Variants in DIPK1A observed in about 807,000 individuals in gnomAD.
The protein encoded by DIPK1A is family with sequence similarity 69 member A.
DIPK1A carries 27 observed loss-of-function variants against 40.8 expected under a neutral mutation model. The ratio of observed to expected loss-of-function variants is 0.66; its 90% CI spans 0.49 to 0.91. DIPK1A has a LOEUF of 0.91. Among genes scored for constraint, DIPK1A ranks in the 40% least tolerant of loss-of-function variants. DIPK1A has a pLI of 0.00. For synonymous variants in DIPK1A, 166 were observed against 171.3 expected (o/e 0.97, Z 0.24); for missense variants, 412 against 505.7 (o/e 0.81, Z 1.78).
chr1:92,937,620 G>C (rs1461314027), intron 1 of DIPK1A, among the ~76,000 whole-genome samples: 1 of 152,000 alleles, frequency 6.6e-6, no homozygotes, highest in South Asian at 2.1e-4. Context: ...GGACAATGCT[G>C]CTTTTTAAAA....
At chr1:92,877,593 A>T (rs1296755041) in intron 1 of DIPK1A, among the ~76,000 whole-genome samples, 1 of 152,226 alleles carries the variant, frequency 6.6e-6, no homozygotes, top group Non-Finnish European at 1.5e-5. Context: ...TGAGGTTAAC[A>T]GATGGTGAAT....
chr1:92,856,787 G>A (rs1181794402), intron 2 of DIPK1A, among the ~76,000 whole-genome samples: 1 of 152,156 alleles, frequency 6.6e-6, no homozygotes, highest in Non-Finnish European at 1.5e-5. Context: ...AAGACAAGAT[G>A]TGATGCAGGC....
chr1:92,945,182 G>A (rs955175587), intron 1 of DIPK1A, among the ~76,000 whole-genome samples: 1 of 151,524 alleles, frequency 6.6e-6, no homozygotes, highest in African/African-American at 2.4e-5. Flanking sequence ...AAAAAAAGAA[G>A]GATTTCACCA....
rs189486516 is a variant in DIPK1A at position 92,924,619 on chromosome 1, G to A, written c.54+36757C>T. Among the ~76,000 whole-genome samples, 156 of 152,320 alleles carry A rather than the reference G, an allele frequency of 1.0e-3. 2 individuals are homozygous for A. Among genetic ancestry groups the A allele is most frequent in the African/African-American group, 3.7e-3 (152 of 41,578 alleles). ...TAGGCAAAAGAGATAGTGAGAAGGT[G>A]GGTGGAAGAAGGGGTCAGCTGCTCG... is the stretch of plus-strand genomic sequence containing the variant. On this transcript the variant is annotated intron_variant, in intron 1 of 4. Transcript: ENST00000370310.
At chr1:92,930,849 T>G (rs1557489890) in intron 1 of DIPK1A, 1 of 152,202 alleles carries the variant, frequency 6.6e-6, no homozygotes, top group Non-Finnish European at 1.5e-5. Context: ...GCCTTTTCTG[T>G]CTCTCCCTCC....
Position 92,843,867 on chromosome 1 carries a change from T to C in DIPK1A, c.803A>G (p.Lys268Arg), listed in dbSNP as rs780489771. The C allele has an allele frequency of 1.7e-4, 271 of 1,551,674 alleles. No homozygotes were observed. The highest frequency in any genetic ancestry group is 2.3e-4 in the Non-Finnish European group (264 of 1,147,008). ...TAGAAGTCCTATGGCTATTTTGGCC[T>C]TTCTTGGCCATGATGGTGTGAACAG... is the stretch of plus-strand genomic sequence containing the variant. Reference protein sequence around the residue: ...DQLFTPSWPRKAKIAIGLLEF... With the variant: ...DQLFTPSWPRRAKIAIGLLEF... The change falls in exon 5 of 5, where the codon AAG becomes AGG. Residue 268 changes from lysine to arginine, a missense_variant. Physicochemically the swap from Lys to Arg is conservative, Grantham distance 26. Transcript: ENST00000370310.
chr1:92,885,646 G>C (rs1021415849), intron 1 of DIPK1A, among the ~76,000 whole-genome samples: 3 of 152,146 alleles, frequency 2.0e-5, no homozygotes, highest in Admixed American at 2.0e-4. Context: ...ATGAGCTACC[G>C]TGCCCAGTCC....
At chr1:92,871,591 G>A (rs1244726385) in intron 2 of DIPK1A, among the ~76,000 whole-genome samples, 1 of 152,126 alleles carries the variant, frequency 6.6e-6, no homozygotes, top group Non-Finnish European at 1.5e-5. Flanking sequence ...AAGTTAACTG[G>A]TTGATTCTTT....
intron 1 of DIPK1A, among the ~76,000 whole-genome samples, chr1:92,882,640 A>T (rs1648430611): frequency 2.0e-5 from 3 of 152,220 alleles, no homozygotes; most frequent in Admixed American, 2.0e-4. Context: ...TGATACATAT[A>T]GCCAGTTTGT....
intron 1 of DIPK1A, among the ~76,000 whole-genome samples, chr1:92,960,869 T>A (rs1248780178): frequency 3.9e-5 from 6 of 152,006 alleles, no homozygotes; most frequent in African/African-American, 1.4e-4. Context: ...GTGTGACAAA[T>A]TGTCATAATT....
chr1:92,833,737 G>A, intron 4 of DIPK1A: 1 of 1,158,778 alleles, frequency 8.6e-7, no homozygotes, highest in East Asian at 2.4e-5. Flanking sequence ...CATGGTGTGT[G>A]TGTTAGAAGG....
Position 92,843,733 on chromosome 1 carries a change from T to A in DIPK1A, c.937A>T (p.Met313Leu), listed in dbSNP as rs1412480209. The A allele has an allele frequency of 9.0e-6, 14 of 1,551,610 alleles. No individual in the cohort carries two copies. The highest frequency in any genetic ancestry group is 8.7e-6 in the Non-Finnish European group (10 of 1,146,970). ...TTTGTCTCTGGCACAATTTTTCTCA[T>A]ATCCACCATTTTCAAATCATACTTA... is the stretch of plus-strand genomic sequence containing the variant. ...NDKYDLKMVDMRKIVPETNLK... is the reference protein window; with the variant it reads ...NDKYDLKMVDLRKIVPETNLK... The change falls in exon 5 of 5, where the codon ATG (methionine) becomes TTG (leucine). Residue 313 changes from methionine (M) to leucine (L), a missense_variant. By Grantham distance (15) the Met-to-Leu change is conservative. Coordinates refer to ENST00000370310, the MANE Select transcript of DIPK1A (RefSeq NM_001006605.5).
chr1:92,834,630 T>A, intron 4 of DIPK1A: 1 of 1,022,330 alleles, frequency 9.8e-7, no homozygotes, highest in Non-Finnish European at 1.5e-6. Flanking sequence ...GCACCTCTAA[T>A]TTACTGGTAA....
chr1:92,922,724 A>G (rs1461758964), intron 1 of DIPK1A, among the ~76,000 whole-genome samples: 1 of 152,212 alleles, frequency 6.6e-6, no homozygotes, highest in East Asian at 1.9e-4. Flanking sequence ...TTAGTTCTCC[A>G]AGAAGGCTAT....
At chr1:92,949,238 T>C (rs1251685213) in intron 1 of DIPK1A, among the ~76,000 whole-genome samples, 1 of 151,772 alleles carries the variant, frequency 6.6e-6, no homozygotes, top group African/African-American at 2.4e-5. Flanking sequence ...ATAAAGTTAA[T>C]ATACTTTCCA....
At chr1:92,951,384 A>G (rs1179298455) in intron 1 of DIPK1A, among the ~76,000 whole-genome samples, 3 of 151,874 alleles carry the variant, frequency 2.0e-5, no homozygotes, top group Non-Finnish European at 4.4e-5. Context: ...TCCTGCAACC[A>G]CATGTAACTG....
intron 1 of DIPK1A, among the ~76,000 whole-genome samples, chr1:92,907,157 G>C (rs1258732583): frequency 6.6e-6 from 1 of 152,128 alleles, no homozygotes; most frequent in Non-Finnish European, 1.5e-5. Flanking sequence ...ATAATGCTAA[G>C]TAAAAATTTT....
intron 1 of DIPK1A, among the ~76,000 whole-genome samples, chr1:92,891,308 T>C (rs1466150555): frequency 6.6e-6 from 1 of 152,052 alleles, no homozygotes; most frequent in Non-Finnish European, 1.5e-5. Flanking sequence ...TTTTTTTAGT[T>C]GATCTTTATT....
rs1687439201 is a variant in DIPK1A at position 92,843,084 on chromosome 1, TTGA to T, written c.*296_*298del. Reference sequence around the variant, plus strand: ...AGGTAAATCTACAAATCACTCACTGTTGATGTTTATGGAATGAAGCTTTTCACA... The same window carrying T: ...AGGTAAATCTACAAATCACTCACTGTTGTTTATGGAATGAAGCTTTTCACA... On this transcript the variant is annotated 3_prime_UTR_variant, in exon 5 of 5. Transcript: ENST00000370310. The T allele has an allele frequency of 9.4e-7, 1 of 1,063,126 alleles. No homozygotes were observed. Among genetic ancestry groups the T allele is most frequent in the African/African-American group, 1.7e-5 (1 of 59,360 alleles). 65.9% of individuals were successfully genotyped at this position (1,063,126 alleles called of 1,614,324 possible).
Sources: gnomAD v4.1 joint callset for allele counts (sites outside exome capture counted in the v4.1 genomes callset) on GRCh38, gnomAD v4.1.1 for gene constraint, MANE v1.5 for transcripts, NCBI Gene and HGNC (gene_info 2026-07-23, HGNC 2026-07-21) for gene names.